PTPRT: variants seen among roughly 807,000 people sequenced by gnomAD.
PTPRT encodes protein tyrosine phosphatase receptor type T, also known as receptor-type tyrosine-protein phosphatase T.
A neutral mutation model predicts 176.8 loss-of-function variants in PTPRT; 56 were observed. The ratio of observed to expected loss-of-function variants is 0.32; its 90% CI spans 0.26 to 0.40. The LOEUF (loss-of-function observed/expected upper bound fraction) is 0.40, where lower values mean the gene tolerates loss of function less well. Ranked by LOEUF, PTPRT falls within the 10% of genes least tolerant of loss-of-function variation. PTPRT has a pLI of 1.00. For missense variants in PTPRT, 1,540 were observed against 1,908.2 expected, an observed-to-expected ratio of 0.81 and a Z score of 3.60; for synonymous variants, 783 against 739.0, an observed-to-expected ratio of 1.06 and a Z score of -0.96.
intron 9 of PTPRT, among the ~76,000 whole-genome samples, chr20:42,379,072 A>C (rs1172322270): frequency 6.6e-6 from 1 of 152,190 alleles, no homozygotes; most frequent in Admixed American, 6.5e-5. Context: ...CGTTTTGAAC[A>C]TGTAAGCCTT....
At chr20:42,587,368 G>A (rs1568997829) in intron 7 of PTPRT, among the ~76,000 whole-genome samples, 2 of 152,214 alleles carry the variant, frequency 1.3e-5, no homozygotes, top group African/African-American at 4.8e-5. Context: ...TCCACCGAAA[G>A]GTATGAGCCC....
At chr20:42,215,452 A>C (rs1016327726) in intron 15 of PTPRT, among the ~76,000 whole-genome samples, 1 of 152,182 alleles carries the variant, frequency 6.6e-6, no homozygotes, top group Non-Finnish European at 1.5e-5. Flanking sequence ...AACAAATGCT[A>C]GTTCTTTTTT....
chr20:42,815,637 A>G (rs952213647), intron 2 of PTPRT, among the ~76,000 whole-genome samples: 1 of 152,246 alleles, frequency 6.6e-6, no homozygotes, highest in African/African-American at 2.4e-5. Context: ...AGTCAAAAAA[A>G]GCAAAATGAT....
At chr20:42,332,389 T>C (rs192373246) in intron 11 of PTPRT, among the ~76,000 whole-genome samples, 65 of 152,086 alleles carry the variant, frequency 4.3e-4, no homozygotes, top group African/African-American at 1.5e-3. Flanking sequence ...TTTTTGTATT[T>C]TTAGTAGAGA....
In PTPRT at chr20:42,825,915, G is replaced by A. The variant is rs55982754; in HGVS notation, c.215-34449C>T. On this transcript the variant is annotated intron_variant, in intron 2 of 30. Transcript: ENST00000373187. ...AAAGGACCCAGAAATGGGGCAACCA[G>A]ATTATTCTAACGGCAGGAACACCTA... Among the ~76,000 whole-genome samples the A allele has an allele frequency of 9.8e-3, 1,498 of 152,156 alleles. 14 individuals are homozygous for A. Among genetic ancestry groups the A allele is most frequent in the Non-Finnish European group, 0.015 (1,040 of 67,994 alleles).
At chr20:42,716,552 T>C (rs2076226130) in intron 6 of PTPRT, among the ~76,000 whole-genome samples, 1 of 152,210 alleles carries the variant, frequency 6.6e-6, no homozygotes, top group South Asian at 2.1e-4. Flanking sequence ...ATGTCTTCTT[T>C]TGAGAAGTGC....
At chr20:42,771,393 C>T in intron 5 of PTPRT, 42 bp downstream of exon 5, 1 of 1,532,184 alleles carries the variant, frequency 6.5e-7, no homozygotes, top group South Asian at 1.1e-5. Flanking sequence ...TTTTCCCTTT[C>T]TCATCCTAAC....
intron 7 of PTPRT, among the ~76,000 whole-genome samples, chr20:42,665,815 T>C (rs1046238957): frequency 2.6e-5 from 4 of 151,760 alleles, no homozygotes; most frequent in South Asian, 2.1e-4. Context: ...AAGCTGAAAA[T>C]CATCATTCTC....
chr20:42,976,068 A>G (rs1397866693), intron 1 of PTPRT, among the ~76,000 whole-genome samples: 1 of 152,214 alleles, frequency 6.6e-6, no homozygotes, highest in African/African-American at 2.4e-5. Context: ...ATGAATGTAT[A>G]CAGAGAGGAG....
chr20:42,698,297 G>A (rs978857927), intron 6 of PTPRT, among the ~76,000 whole-genome samples: 5 of 152,144 alleles, frequency 3.3e-5, no homozygotes, highest in African/African-American at 1.2e-4. Context: ...TTCCTTTACA[G>A]ACAAGAAGCA....
chr20:42,772,442 A>G (rs1175347106), intron 4 of PTPRT, among the ~76,000 whole-genome samples: 5 of 152,194 alleles, frequency 3.3e-5, no homozygotes, highest in African/African-American at 1.2e-4. Flanking sequence ...GGTCTTTCAA[A>G]TGAAAATCAG....
the PTPRT span, among the ~76,000 whole-genome samples, chr20:42,044,464 A>T: frequency 0.085 from 12,932 of 152,230 alleles, 1,469 homozygotes; most frequent in African/African-American, 0.26. Context: ...TTGGGCATAG[A>T]GCCTGGCACA....
chr20:42,381,520 T>G (rs2058698346), intron 9 of PTPRT, among the ~76,000 whole-genome samples: 1 of 152,108 alleles, frequency 6.6e-6, no homozygotes, highest in Admixed American at 6.5e-5. Context: ...ACATATAGTG[T>G]GGGTGAAAGA....
At chr20:42,790,396 A>G (rs542215195) in intron 3 of PTPRT, among the ~76,000 whole-genome samples, 110 of 148,482 alleles carry the variant, frequency 7.4e-4, no homozygotes, top group Non-Finnish European at 1.0e-3. Flanking sequence ...ACAATCTGTC[A>G]TTGCCATGAT....
At chr20:42,561,776 G>A (rs903958498) in intron 7 of PTPRT, among the ~76,000 whole-genome samples, 7 of 152,192 alleles carry the variant, frequency 4.6e-5, no homozygotes, top group South Asian at 4.1e-4. Flanking sequence ...ACACTGACAC[G>A]CACCGCTGAA....
intron 7 of PTPRT, among the ~76,000 whole-genome samples, chr20:42,474,477 C>T (rs2071252869): frequency 6.6e-6 from 1 of 152,182 alleles, no homozygotes; most frequent in African/African-American, 2.4e-5. Context: ...GCCCTGGCCC[C>T]TGATCAACTG....
chr20:43,131,922 AT>A (rs1189295410), intron 1 of PTPRT, among the ~76,000 whole-genome samples: 1 of 152,192 alleles, frequency 6.6e-6, no homozygotes, highest in Non-Finnish European at 1.5e-5. Context: ...AAAAAAGCAT[AT>A]ACTCATTCCT....
chr20:42,329,883 A>C (rs930107612), intron 11 of PTPRT, among the ~76,000 whole-genome samples: 1 of 152,220 alleles, frequency 6.6e-6, no homozygotes, highest in African/African-American at 2.4e-5. Flanking sequence ...TATTGTGATA[A>C]GGATCAAAGA....
chr20:42,942,824 A>T (rs1329889189), intron 1 of PTPRT, among the ~76,000 whole-genome samples: 1 of 152,236 alleles, frequency 6.6e-6, no homozygotes, highest in Non-Finnish European at 1.5e-5. Context: ...TAATACATGT[A>T]GAATATTTAG....
Sources: gnomAD v4.1 joint callset for allele counts (sites outside exome capture counted in the v4.1 genomes callset) on GRCh38, gnomAD v4.1.1 for gene constraint, MANE v1.5 for transcripts, NCBI Gene and HGNC (gene_info 2026-07-23, HGNC 2026-07-21) for gene names.